Variants in ADAMTSL1 observed in about 807,000 individuals in gnomAD.
ADAMTSL1 encodes the protein ADAMTS like 1, also known as ADAMTS-like protein 1.
A neutral mutation model predicts 201.8 loss-of-function variants in ADAMTSL1; 126 were observed. The observed-to-expected ratio is 0.62, with a 90% CI of 0.54 to 0.72. The LOEUF is 0.72. Among genes scored for constraint, ADAMTSL1 ranks in the 30% least tolerant of loss-of-function variants. ADAMTSL1 has a pLI of 0.00. For missense variants in ADAMTSL1, 2,679 were observed against 2,277.8 expected, an observed-to-expected ratio of 1.18 and a Z score of -3.59; for synonymous variants, 1,121 against 903.4, an observed-to-expected ratio of 1.24 and a Z score of -4.32.
intron 1 of ADAMTSL1, among the ~76,000 whole-genome samples, chr9:18,074,524 C>CTTTTCTTTTCTTTTT (rs1823118527): frequency 7.3e-6 from 1 of 136,650 alleles, no homozygotes; most frequent in African/African-American, 2.9e-5. Flanking sequence ...CTTTTCTTTT[C>CTTTTCTTTTCTTTTT]TTTTCTTTTC....
At chr9:18,843,990 G>T (rs1825912338) in intron 23 of ADAMTSL1, among the ~76,000 whole-genome samples, 1 of 152,072 alleles carries the variant, frequency 6.6e-6, no homozygotes, top group African/African-American at 2.4e-5. Context: ...ATTTCCTCCT[G>T]TAGCTCGGAG....
intron 2 of ADAMTSL1, among the ~76,000 whole-genome samples, chr9:18,276,484 C>T (rs1179051918): frequency 1.3e-5 from 2 of 152,140 alleles, no homozygotes; most frequent in Non-Finnish European, 2.9e-5. Context: ...AGGTTTGGGT[C>T]TCTCATATAT....
intron 1 of ADAMTSL1, among the ~76,000 whole-genome samples, chr9:17,935,570 A>G (rs1039536765): frequency 2.6e-5 from 4 of 152,066 alleles, no homozygotes; most frequent in African/African-American, 9.7e-5. Context: ...ATAAAACAAC[A>G]TGCTTCTCCC....
chr9:18,127,070 A>G (rs10810904), intron 1 of ADAMTSL1, among the ~76,000 whole-genome samples: 108,720 of 151,998 alleles, frequency 0.72, 39,526 homozygotes, highest in Admixed American at 0.79. Context: ...TAAAGACAGC[A>G]TTTCAGTGTG....
intron 1 of ADAMTSL1, among the ~76,000 whole-genome samples, chr9:18,081,863 A>G (rs1404235060): frequency 6.6e-6 from 1 of 152,236 alleles, no homozygotes. Flanking sequence ...AAGCTATGTA[A>G]CTGTGAAAAT....
chr9:18,406,507 T>G (rs1818215430), intron 2 of ADAMTSL1, among the ~76,000 whole-genome samples: 1 of 151,904 alleles, frequency 6.6e-6, no homozygotes, highest in Non-Finnish European at 1.5e-5. Flanking sequence ...TTTTTTGTAT[T>G]TTTCGTAGAG....
intron 2 of ADAMTSL1, among the ~76,000 whole-genome samples, chr9:18,184,399 T>C (rs1226097752): frequency 6.6e-6 from 1 of 152,212 alleles, no homozygotes; most frequent in African/African-American, 2.4e-5. Flanking sequence ...TATTCAAGTA[T>C]TTCCTACACA....
chr9:18,327,029 G>C (rs4961635), intron 2 of ADAMTSL1, among the ~76,000 whole-genome samples: 1 of 151,974 alleles, frequency 6.6e-6, no homozygotes, highest in Non-Finnish European at 1.5e-5. Flanking sequence ...TGTTTAGCAA[G>C]TAGGGAATGA....
At chr9:18,399,328 T>TATATATATAC (rs1491459278) in intron 2 of ADAMTSL1, among the ~76,000 whole-genome samples, 3 of 107,724 alleles carry the variant, frequency 2.8e-5, no homozygotes, top group Non-Finnish European at 5.9e-5. Flanking sequence ...TATATATATA[T>TATATATATAC]AAAATTATTA....
intron 2 of ADAMTSL1, among the ~76,000 whole-genome samples, chr9:18,524,880 A>C (rs925299696): frequency 8.7e-4 from 133 of 152,332 alleles, no homozygotes; most frequent in African/African-American, 3.1e-3. Flanking sequence ...GATGTTCATC[A>C]GGGATATTGG....
intron 2 of ADAMTSL1, among the ~76,000 whole-genome samples, chr9:18,332,983 C>T (rs1038672471): frequency 1.3e-5 from 2 of 152,098 alleles, no homozygotes; most frequent in African/African-American, 2.4e-5. Flanking sequence ...CAAGAAGCAC[C>T]CAACCATTGT....
intron 1 of ADAMTSL1, among the ~76,000 whole-genome samples, chr9:18,011,322 C>T (rs1219459298): frequency 6.6e-6 from 1 of 151,974 alleles, no homozygotes; most frequent in African/African-American, 2.4e-5. Context: ...AAGGATTTTA[C>T]CAGAAAAATG....
At chr9:18,462,126 T>G (rs1038140974) in intron 2 of ADAMTSL1, among the ~76,000 whole-genome samples, 32 of 152,202 alleles carry the variant, frequency 2.1e-4, no homozygotes, top group Non-Finnish European at 2.9e-5. Flanking sequence ...CAGATGTATA[T>G]ATTTATATAA....
rs568139151 is a variant in ADAMTSL1, at chr9:18,065,708, C to T, written c.88-98154C>T. Reference sequence around the variant, plus strand: ...CTTAAGTGTTAGAAAGGGCCAGGCGCGGTGGCTCACGCCTGTAATCCCAGC... The same window carrying T: ...CTTAAGTGTTAGAAAGGGCCAGGCGTGGTGGCTCACGCCTGTAATCCCAGC... On this transcript the variant is annotated intron_variant, in intron 1 of 29. Coordinates refer to the ADAMTSL1 transcript ENST00000680146. Among the ~76,000 whole-genome samples, 12 of 152,244 alleles carry T rather than the reference C, an allele frequency of 7.9e-5. No individual in the cohort carries two copies. In the South Asian group the frequency reaches 1.5e-3, roughly 18 times the overall value.
chr9:17,971,166 T>C lies in ADAMTSL1; in HGVS notation c.87+64244T>C, dbSNP rs547800653. Among the ~76,000 whole-genome samples the C allele has an allele frequency of 4.6e-5, 7 of 152,190 alleles. No homozygotes were observed. The East Asian group carries it at 1.4e-3, about 29-fold the overall frequency. On this transcript the variant is annotated intron_variant, in intron 1 of 29. Transcript: ENST00000680146. ...GGTATGAGAAAATAAAATATACTATTATAACACGTTTGCCTTTAATTGATA... is the reference window on the plus strand; with the variant it reads ...GGTATGAGAAAATAAAATATACTATCATAACACGTTTGCCTTTAATTGATA...
rs375707870 is a variant in ADAMTSL1 at position 18,275,777 on chromosome 9, C to A, written c.207+111796C>A. On this transcript the variant is annotated intron_variant, in intron 2 of 29. Coordinates refer to the ADAMTSL1 transcript ENST00000680146. Reference sequence around the variant, plus strand: ...TTTAGTGAGTCATAGACATTTGGGGCTATTTCCAGTTTGAGACTATTATTA... The same window carrying A: ...TTTAGTGAGTCATAGACATTTGGGGATATTTCCAGTTTGAGACTATTATTA... Among the ~76,000 whole-genome samples the A allele has an allele frequency of 8.5e-5, 13 of 152,176 alleles. No homozygotes were observed. The South Asian group carries it at 2.7e-3, about 32-fold the overall frequency.
At chr9:18,167,197 C>CA (rs1177633739) in intron 2 of ADAMTSL1, among the ~76,000 whole-genome samples, 1 of 151,802 alleles carries the variant, frequency 6.6e-6, no homozygotes, top group Non-Finnish European at 1.5e-5. Flanking sequence ...AAGCTGGATG[C>CA]AAAAACAGGA....
At chr9:18,151,627 T>C (rs1017855303) in intron 1 of ADAMTSL1, among the ~76,000 whole-genome samples, 1 of 152,078 alleles carries the variant, frequency 6.6e-6, no homozygotes, top group Non-Finnish European at 1.5e-5. Context: ...AAGATACTTG[T>C]TCTTGGCCTT....
At chr9:18,202,575 G>A (rs1829493962) in intron 2 of ADAMTSL1, among the ~76,000 whole-genome samples, 1 of 152,164 alleles carries the variant, frequency 6.6e-6, no homozygotes, top group African/African-American at 2.4e-5. Flanking sequence ...AGCCCAACCT[G>A]TAGTTACTCC....
Sources: allele counts gnomAD v4.1 joint callset (sites outside exome capture counted in the v4.1 genomes callset), GRCh38; gene constraint gnomAD v4.1.1; transcripts MANE v1.5; gene names NCBI Gene and HGNC (gene_info 2026-07-23, HGNC 2026-07-21).